RAB1A: variants seen among roughly 807,000 people sequenced by gnomAD.
The protein encoded by RAB1A is ras-related protein Rab-1A.
RAB1A carries 2 observed loss-of-function variants against 26.0 expected under a neutral mutation model. The observed-to-expected ratio is 0.08, with a 90% CI of 0.03 to 0.24. The LOEUF (loss-of-function observed/expected upper bound fraction) is 0.24. Ranked by LOEUF, RAB1A falls within the 10% of genes least tolerant of loss-of-function variation. The pLI is 1.00. For missense variants in RAB1A, 100 were observed against 247.0 expected, an observed-to-expected ratio of 0.40 and a Z score of 3.99; for synonymous variants, 84 against 84.9, an observed-to-expected ratio of 0.99 and a Z score of 0.06.
At chr2:65,089,534 C>A (rs1669119775) in intron 4 of RAB1A, among the ~76,000 whole-genome samples, 1 of 152,056 alleles carries the variant, frequency 6.6e-6, no homozygotes, top group South Asian at 2.1e-4. Flanking sequence ...ATTAAAATGA[C>A]TATAAATATC....
intron 1 of RAB1A, among the ~76,000 whole-genome samples, chr2:65,107,881 C>T (rs939822935): frequency 7.9e-5 from 12 of 151,974 alleles, no homozygotes; most frequent in African/African-American, 2.2e-4. Flanking sequence ...CTGGCCAATA[C>T]GGTGAAACCC....
At chr2:65,111,436 A>G (rs1669691229) in intron 1 of RAB1A, among the ~76,000 whole-genome samples, 1 of 152,156 alleles carries the variant, frequency 6.6e-6, no homozygotes, top group African/African-American at 2.4e-5. Flanking sequence ...AATACCTATC[A>G]GCACTCTTCA....
intron 1 of RAB1A, among the ~76,000 whole-genome samples, chr2:65,120,318 G>A (rs145317245): frequency 1.1e-3 from 168 of 151,986 alleles, no homozygotes; most frequent in African/African-American, 3.8e-3. Flanking sequence ...TTAGCTGGGC[G>A]TGGTGGCGCA....
At chr2:65,094,938 T>C (rs1206164933) in intron 3 of RAB1A, among the ~76,000 whole-genome samples, 1 of 152,138 alleles carries the variant, frequency 6.6e-6, no homozygotes, top group African/African-American at 2.4e-5. Context: ...AGGGCAGGCT[T>C]GCCAATAAAA....
intron 1 of RAB1A, among the ~76,000 whole-genome samples, chr2:65,126,883 G>A (rs1670113222): frequency 6.6e-6 from 1 of 152,070 alleles, no homozygotes; most frequent in South Asian, 2.1e-4. Flanking sequence ...CTTTTATAAA[G>A]ATAACAAGCT....
intron 1 of RAB1A, among the ~76,000 whole-genome samples, chr2:65,129,427 C>T (rs900416678): frequency 1.3e-5 from 2 of 152,148 alleles, no homozygotes; most frequent in African/African-American, 4.8e-5. Context: ...AGCCAACAAG[C>T]TCAGGATTTA....
intron 1 of RAB1A, among the ~76,000 whole-genome samples, chr2:65,110,734 G>C (rs1259489696): frequency 6.6e-6 from 1 of 151,816 alleles, no homozygotes; most frequent in Non-Finnish European, 1.5e-5. Flanking sequence ...AGAAGTTCAA[G>C]ACCAGCCTGA....
chr2:65,120,157 C>T (rs914961554), intron 1 of RAB1A, among the ~76,000 whole-genome samples: 4 of 151,934 alleles, frequency 2.6e-5, no homozygotes, highest in African/African-American at 9.7e-5. Context: ...TTAAACTCCA[C>T]ATTTTAAAAC....
In RAB1A at chr2:65,097,188, T is replaced by C. The variant is rs115695800; in HGVS notation, c.192+783A>G. On this transcript the variant is annotated intron_variant, in intron 3 of 5. Coordinates refer to ENST00000409784, the MANE Select transcript of RAB1A (RefSeq NM_004161.5). The stretch of plus-strand genomic sequence containing the variant: ...GTGTTTATAGCCTACTTCTTGCTAA[T>C]AGCCTACTCTGAAAAATACTGAGAG... Among the ~76,000 whole-genome samples, 1,377 of 152,328 alleles carry C rather than the reference T, an allele frequency of 9.0e-3. 12 individuals are homozygous for C. Among genetic ancestry groups the C allele is most frequent in the Non-Finnish European group, 0.014 (959 of 68,040 alleles).
intron 1 of RAB1A, among the ~76,000 whole-genome samples, chr2:65,117,070 C>T (rs994729976): frequency 1.3e-5 from 2 of 150,854 alleles, no homozygotes; most frequent in African/African-American, 4.9e-5. Context: ...CCACCCCCAC[C>T]CACCACCACC....
chr2:65,091,235 C>A (rs1194659415), intron 3 of RAB1A, among the ~76,000 whole-genome samples, 157 bp from the exon 4 acceptor site: 1 of 152,126 alleles, frequency 6.6e-6, no homozygotes, highest in Non-Finnish European at 1.5e-5. Flanking sequence ...CTAAATTGCA[C>A]GGTAATAAGC....
intron 1 of RAB1A, among the ~76,000 whole-genome samples, chr2:65,128,634 G>A (rs1386750789): frequency 1.3e-5 from 2 of 152,186 alleles, no homozygotes; most frequent in African/African-American, 4.8e-5. Flanking sequence ...AGAGCCATGT[G>A]ACACACATAT....
intron 1 of RAB1A, among the ~76,000 whole-genome samples, chr2:65,107,236 T>C (rs1367064798): frequency 1.3e-5 from 2 of 151,976 alleles, no homozygotes; most frequent in African/African-American, 4.8e-5. Flanking sequence ...CAGCTAATTT[T>C]TGTATTTCTA....
At chr2:65,089,849 C>T (rs1471056904) in intron 4 of RAB1A, among the ~76,000 whole-genome samples, 2 of 152,026 alleles carry the variant, frequency 1.3e-5, no homozygotes, top group African/African-American at 4.8e-5. Context: ...ATTACAGGCA[C>T]GGGCCCCCAC....
intron 2 of RAB1A, 95 bp from the exon 3 acceptor site, chr2:65,098,161 A>G (rs563503264): frequency 1.6e-6 from 1 of 639,372 alleles, no homozygotes; most frequent in African/African-American, 1.9e-5. Context: ...AAGAGTAAAT[A>G]AAAAAAAAGT....
At chr2:65,091,538 T>TC (rs902085272) in intron 3 of RAB1A, among the ~76,000 whole-genome samples, 2 of 152,072 alleles carry the variant, frequency 1.3e-5, no homozygotes, top group African/African-American at 4.8e-5. Context: ...GTCTTTTTTT[T>TC]CCCCTCTCAA....
chr2:65,089,702 A>ATTTCTTTTTTTT (rs1359014983), intron 4 of RAB1A, among the ~76,000 whole-genome samples: 26 of 141,994 alleles, frequency 1.8e-4, no homozygotes, highest in African/African-American at 5.6e-4. Context: ...AATTTGATTA[A>ATTTCTTTTTTTT]TTTTTTTTTT....
intron 2 of RAB1A, among the ~76,000 whole-genome samples, chr2:65,101,263 C>T (rs141783192): frequency 3.0e-4 from 45 of 152,286 alleles, no homozygotes; most frequent in African/African-American, 9.4e-4. Context: ...TCTCTCTCTG[C>T]ATAACCCTAC....
intron 3 of RAB1A, among the ~76,000 whole-genome samples, chr2:65,092,678 T>C (rs1485761363): frequency 1.3e-5 from 2 of 152,198 alleles, no homozygotes; most frequent in East Asian, 3.8e-4. Flanking sequence ...GAGGTATTGC[T>C]ATGTTGCCCA....
Sources: gnomAD v4.1 joint callset for allele counts (sites outside exome capture counted in the v4.1 genomes callset) on GRCh38, gnomAD v4.1.1 for gene constraint, MANE v1.5 for transcripts, NCBI Gene and HGNC (gene_info 2026-07-23, HGNC 2026-07-21) for gene names.